Variants in AP5M1 observed in about 807,000 individuals in gnomAD.
AP5M1 encodes adaptor related protein complex 5 subunit mu 1.
Under a neutral mutation model 52.3 loss-of-function variants are expected in AP5M1, and 44 were observed. The ratio of observed to expected loss-of-function variants is 0.84; its 90% CI spans 0.66 to 1.08. The LOEUF is 1.08. AP5M1 is among the 50% of genes least tolerant of loss of function. The pLI, the probability that AP5M1 is intolerant of heterozygous loss-of-function variation, is 0.00. For missense variants in AP5M1, 526 were observed against 568.4 expected, an observed-to-expected ratio of 0.93 and a Z score of 0.76; for synonymous variants, 213 against 199.0, an observed-to-expected ratio of 1.07 and a Z score of -0.59.
chr14:57,281,984 T>C (rs925498062), intron 3 of AP5M1, 105 bp from the exon 4 acceptor site: 3 of 975,736 alleles, frequency 3.1e-6, no homozygotes, highest in African/African-American at 1.7e-5. Flanking sequence ...CCAAAACAAC[T>C]TGGAATAATC....
In AP5M1 at chr14:57,297,382, T is replaced by C. The variant is rs1594714832; in HGVS notation, c.*8498T>C. Reference sequence around the variant, plus strand: ...ATCAGTGAAGAAAATATGATGTCTATATAGAATTATAAGGAAAATATATAT... The same window carrying C: ...ATCAGTGAAGAAAATATGATGTCTACATAGAATTATAAGGAAAATATATAT... On this transcript the variant is annotated 3_prime_UTR_variant, in exon 8 of 8. Coordinates refer to ENST00000261558, the MANE Select transcript of AP5M1 (RefSeq NM_018229.4). 2.6e-5 allele frequency: 4 copies of C among 152,116 alleles called. No homozygotes were observed. Among genetic ancestry groups the C allele is most frequent in the Admixed American group, 2.6e-4 (4 of 15,248 alleles). 9.4% of individuals were successfully genotyped at this position (152,116 alleles called of 1,614,324 possible).
intron 7 of AP5M1, among the ~76,000 whole-genome samples, chr14:57,287,213 C>A (rs1049385013): frequency 1.3e-5 from 2 of 151,972 alleles, no homozygotes; most frequent in Admixed American, 1.3e-4. Context: ...TAAGAATAAT[C>A]CCAATTTACA....
chr14:57,286,623 G>A (rs896042256), intron 7 of AP5M1: 1 of 219,932 alleles, frequency 4.5e-6, no homozygotes, highest in Non-Finnish European at 9.0e-6. Flanking sequence ...ATGTTGGACA[G>A]ACAGGGCTTA....
chr14:57,282,822 G>C (rs531634402), intron 4 of AP5M1, 112 bp from the exon 5 acceptor site: 1 of 606,862 alleles, frequency 1.6e-6, no homozygotes, highest in African/African-American at 1.9e-5. Flanking sequence ...CTTGAATACA[G>C]ATCTGCTTTT....
At position 57,269,136 on chromosome 14, in the gene AP5M1, A is replaced by G. The variant is rs1884806980; in HGVS notation, c.-179A>G. On this transcript the variant is annotated 5_prime_UTR_variant, in exon 1 of 8. Transcript: ENST00000261558. Reference sequence around the variant, plus strand: ...TTGTGGTGTGTGTTGGCCTAGAGCGACTCAGAAGCGTTAGTGACTTCACCT... The same window carrying G: ...TTGTGGTGTGTGTTGGCCTAGAGCGGCTCAGAAGCGTTAGTGACTTCACCT... 1 of 617,316 alleles carries G rather than the reference A, an allele frequency of 1.6e-6. No homozygotes were observed. The highest frequency in any genetic ancestry group is 1.8e-5 in the African/African-American group (1 of 54,132). 38.2% of individuals were successfully genotyped at this position (617,316 alleles called of 1,614,324 possible). A position where few individuals can be genotyped will look rare whatever the true frequency, so the allele number is the denominator to read the frequency against.
rs1306975544 is a variant in AP5M1 at position 57,298,059 on chromosome 14, C to T, written c.*9175C>T. 6.6e-6 allele frequency: 1 copy of T among 152,178 alleles called. No individual in the cohort carries two copies. The highest frequency in any genetic ancestry group is 2.4e-5 in the African/African-American group (1 of 41,450). 9.4% of individuals were successfully genotyped at this position (152,178 alleles called of 1,614,324 possible). On this transcript the variant is annotated 3_prime_UTR_variant, in exon 8 of 8. Coordinates refer to ENST00000261558, the MANE Select transcript of AP5M1 (RefSeq NM_018229.4). ...ACAGCTGAGGCTGCCCATCATAGGACACGTTCCTTGCAGTTATGCTTCAGT... is the reference window on the plus strand; with the variant it reads ...ACAGCTGAGGCTGCCCATCATAGGATACGTTCCTTGCAGTTATGCTTCAGT...
Position 57,283,201 on chromosome 14 carries a change from A to G in AP5M1, c.1264A>G (p.Ile422Val), listed in dbSNP as rs368378650. The change falls in exon 6 of 8, where the codon ATT becomes GTT. Residue 422 changes from isoleucine (I) to valine (V), a missense_variant. Physicochemically the swap from Ile to Val is conservative, Grantham distance 29. Transcript: ENST00000261558. ...CCATGAGAAGCAGCCATTTGACCCA[A>G]TTTGTACTGGAGAAACAGCATATTT... ...KSHEKQPFDP[I>V]CTGETAYLKL... 5.0e-5 allele frequency: 81 copies of G among 1,612,792 alleles called. No homozygotes were observed. Among genetic ancestry groups the G allele is most frequent in the Non-Finnish European group, 5.9e-5 (70 of 1,179,070 alleles).
intron 7 of AP5M1, 66 bp downstream of exon 7, chr14:57,286,385 T>C: frequency 9.6e-7 from 1 of 1,037,886 alleles, no homozygotes; most frequent in Non-Finnish European, 1.5e-6. Flanking sequence ...TTACCTAAGG[T>C]AAAATTTGAA....
rs990916584 is a variant in AP5M1, at chr14:57,293,414, T to C, written c.*4530T>C. On this transcript the variant is annotated 3_prime_UTR_variant, in exon 8 of 8. Transcript: ENST00000261558. ...TTTTTGGCTCAGACTTTTTGTGATCTAATTTATAAATTGAAACAATGACTC... is the reference window on the plus strand; with the variant it reads ...TTTTTGGCTCAGACTTTTTGTGATCCAATTTATAAATTGAAACAATGACTC... The C allele has an allele frequency of 6.6e-6, 1 of 151,794 alleles. No individual in the cohort carries two copies. The highest frequency in any genetic ancestry group is 2.1e-4 in the South Asian group (1 of 4,836). The allele number at this position is 151,794 out of a possible 1,614,324, so 9.4% of individuals were successfully genotyped here.
intron 6 of AP5M1, among the ~76,000 whole-genome samples, chr14:57,283,931 G>T (rs941577900): frequency 6.6e-6 from 1 of 152,044 alleles, no homozygotes; most frequent in African/African-American, 2.4e-5. Context: ...AGGCTGCAGT[G>T]AGCCATGATT....
At chr14:57,276,991 T>C (rs1309968008) in intron 2 of AP5M1, among the ~76,000 whole-genome samples, 1 of 152,246 alleles carries the variant, frequency 6.6e-6, no homozygotes, top group Non-Finnish European at 1.5e-5. Context: ...CATTTTATCC[T>C]ACTCGGTAGA....
At chr14:57,270,519 C>T (rs1884864924) in intron 1 of AP5M1, among the ~76,000 whole-genome samples, 1 of 152,078 alleles carries the variant, frequency 6.6e-6, no homozygotes, top group African/African-American at 2.4e-5. Context: ...TCTTTGCAAC[C>T]TTAACAGTTT....
Position 57,291,941 on chromosome 14 carries a change from G to A in AP5M1, c.*3057G>A, listed in dbSNP as rs900047741. ...GTTCCTAAGACAAAGGTCAAAAAAA[G>A]GGGTGTTAATAAACAGTCCTCAGGT... On this transcript the variant is annotated 3_prime_UTR_variant, in exon 8 of 8. Transcript: ENST00000261558. The A allele has an allele frequency of 1.5e-4, 23 of 151,920 alleles. No individual in the cohort carries two copies. Among genetic ancestry groups the A allele is most frequent in the African/African-American group, 5.5e-4 (23 of 41,500 alleles). The allele number at this position is 151,920 out of a possible 1,614,324, so 9.4% of individuals were successfully genotyped here.
At chr14:57,276,229 C>G (rs1885032905) in intron 2 of AP5M1, among the ~76,000 whole-genome samples, 1 of 152,086 alleles carries the variant, frequency 6.6e-6, no homozygotes, top group Admixed American at 6.5e-5. Flanking sequence ...TTATGTCATT[C>G]TTAAGTTTTA....
At chr14:57,285,056 A>T (rs1211948743) in intron 6 of AP5M1, among the ~76,000 whole-genome samples, 2 of 151,958 alleles carry the variant, frequency 1.3e-5, no homozygotes, top group Non-Finnish European at 2.9e-5. Context: ...CAGGAAGATT[A>T]AAAAAAACAA....
rs111884579 is a variant in AP5M1 at position 57,286,063 on chromosome 14, A to G, written c.1294-160A>G. 3.0e-3 allele frequency among the ~76,000 whole-genome samples: 456 copies of G among 152,272 alleles called. 3 individuals are homozygous for G. The highest frequency in any genetic ancestry group is 0.01 in the African/African-American group (416 of 41,554). On this transcript the variant is annotated intron_variant, in intron 6 of 7. Coordinates refer to ENST00000261558, the MANE Select transcript of AP5M1 (RefSeq NM_018229.4). ...AAAAACTGTGTGTGTTTTTGTATAT[A>G]TATGTGTGCGCACACACACAATTCA...
rs1016526498 is a variant in AP5M1 at position 57,296,361 on chromosome 14, G to C, written c.*7477G>C. On this transcript the variant is annotated 3_prime_UTR_variant, in exon 8 of 8. Transcript: ENST00000261558. ...TCACAGTTATCAAAGATTACCCCTTGCTAAAGGCTCTTAAGAAACTGTTAG... is the reference window on the plus strand; with the variant it reads ...TCACAGTTATCAAAGATTACCCCTTCCTAAAGGCTCTTAAGAAACTGTTAG... The C allele has an allele frequency of 1.3e-5, 2 of 151,920 alleles. No homozygotes were observed. The highest frequency in any genetic ancestry group is 2.4e-5 in the African/African-American group (1 of 41,394). The allele number at this position is 151,920 out of a possible 1,614,324, so 9.4% of individuals were successfully genotyped here. A position where few individuals can be genotyped will look rare whatever the true frequency, so the allele number is the denominator to read the frequency against.
rs770266489 is a variant in AP5M1 at position 57,274,490 on chromosome 14, T to G, written c.321T>G (p.Ala107=). The G allele has an allele frequency of 1.9e-6, 3 of 1,614,076 alleles. No individual in the cohort carries two copies. The African/African-American group carries it at 4.0e-5, about 22-fold the overall frequency. ...TTCTGAAGAATGACATGATATATGC[T>G]TGTGTTCCACTAGTTGAACAAACTC... ...VAFLKNDMIY[A]CVPLVEQTLS... is the part of the protein sequence containing the mutation. Residue 107 remains alanine, a synonymous_variant, in exon 2 of 8, where the codon GCT becomes GCG. Transcript: ENST00000261558.
In AP5M1 at chr14:57,291,068, A is replaced by G. The variant is rs553875100; in HGVS notation, c.*2184A>G. Reference sequence around the variant, plus strand: ...TTCCAGAAGCTTAATCGTGATTGACATGTTCTTATTCTAAGCTATAAGACA... The same window carrying G: ...TTCCAGAAGCTTAATCGTGATTGACGTGTTCTTATTCTAAGCTATAAGACA... On this transcript the variant is annotated 3_prime_UTR_variant, in exon 8 of 8. Transcript: ENST00000261558. The G allele has an allele frequency of 1.3e-5, 2 of 152,054 alleles. No homozygotes were observed. Among genetic ancestry groups the G allele is most frequent in the African/African-American group, 2.4e-5 (1 of 41,550 alleles). 9.4% of individuals were successfully genotyped at this position (152,054 alleles called of 1,614,324 possible).
Sources: gnomAD v4.1 joint callset for allele counts (sites outside exome capture counted in the v4.1 genomes callset) on GRCh38, gnomAD v4.1.1 for gene constraint, MANE v1.5 for transcripts, NCBI Gene and HGNC (gene_info 2026-07-23, HGNC 2026-07-21) for gene names.